The following GULP1 variants were observed in gnomAD, a reference collection of about 807,000 sequenced individuals.
The protein encoded by GULP1 is PTB domain-containing engulfment adapter protein 1.
In GULP1, 19 loss-of-function variants were observed where a neutral mutation model predicts 40.9. The observed-to-expected ratio is 0.46, with a 90% CI of 0.32 to 0.68. The LOEUF (loss-of-function observed/expected upper bound fraction) is 0.68, where lower values mean the gene tolerates loss of function less well. Ranked by LOEUF, GULP1 falls within the 30% of genes least tolerant of loss-of-function variation. The pLI, the probability that GULP1 is intolerant of heterozygous loss-of-function variation, is 0.03. For synonymous variants in GULP1, 119 were observed against 117.6 expected, an observed-to-expected ratio of 1.01 and a Z score of -0.08; for missense variants, 312 against 362.2, an observed-to-expected ratio of 0.86 and a Z score of 1.12.
chr2:188,311,541 T>A (rs1010160297), intron 1 of GULP1, among the ~76,000 whole-genome samples: 9 of 152,076 alleles, frequency 5.9e-5, no homozygotes, highest in African/African-American at 2.2e-4. Context: ...CTTTGCTGAT[T>A]CTGACACCAT....
rs1249369154 is a variant in GULP1, at chr2:188,595,127, A to C, written c.*1116A>C. ...AACATGAGCAATAAAATTCTCTTGC[A>C]TTTCATTATTGATGTGCTGATGAAC... On this transcript the variant is annotated 3_prime_UTR_variant, in exon 12 of 12. Coordinates refer to ENST00000409830, the MANE Select transcript of GULP1 (RefSeq NM_016315.4). 1 of 150,446 alleles carries C rather than the reference A, an allele frequency of 6.6e-6. No homozygotes were observed. Among genetic ancestry groups the C allele is most frequent in the African/African-American group, 2.4e-5 (1 of 41,076 alleles). 9.3% of individuals were successfully genotyped at this position (150,446 alleles called of 1,614,324 possible).
chr2:188,574,788 G>A (rs1447974578), intron 9 of GULP1, among the ~76,000 whole-genome samples: 3 of 152,074 alleles, frequency 2.0e-5, no homozygotes, highest in Non-Finnish European at 2.9e-5. Flanking sequence ...CTACCAAATC[G>A]TCTAATAATA....
chr2:188,370,870 T>C (rs898869444), intron 1 of GULP1, among the ~76,000 whole-genome samples: 6 of 151,904 alleles, frequency 3.9e-5, no homozygotes, highest in Non-Finnish European at 5.9e-5. Context: ...TGTGTGTATG[T>C]GTGTGTGTGT....
At chr2:188,528,203 G>A (rs1489507186) in intron 5 of GULP1, among the ~76,000 whole-genome samples, 2 of 152,018 alleles carry the variant, frequency 1.3e-5, no homozygotes, top group Non-Finnish European at 2.9e-5. Context: ...GTACAAATAT[G>A]TTCCAAATAT....
intron 1 of GULP1, among the ~76,000 whole-genome samples, chr2:188,340,957 T>G (rs1431987978): frequency 6.6e-6 from 1 of 152,156 alleles, no homozygotes; most frequent in Non-Finnish European, 1.5e-5. Flanking sequence ...CTGTTTCTTC[T>G]TTTCTCCTCT....
chr2:188,580,552 CAA>C (rs35794163), intron 9 of GULP1, among the ~76,000 whole-genome samples: 3,146 of 121,288 alleles, frequency 0.026, 78 homozygotes, highest in African/African-American at 0.083. Flanking sequence ...GACTCCGTCT[CAA>C]AAAAAAAAAA....
chr2:188,576,422 A>G (rs1376689360), intron 9 of GULP1, among the ~76,000 whole-genome samples: 5 of 152,152 alleles, frequency 3.3e-5, no homozygotes, highest in Non-Finnish European at 7.4e-5. Flanking sequence ...TAAAAAGTAT[A>G]CCTTTAATAT....
intron 4 of GULP1, among the ~76,000 whole-genome samples, chr2:188,508,853 C>T (rs1270317734): frequency 6.7e-6 from 1 of 149,558 alleles, no homozygotes; most frequent in Non-Finnish European, 1.5e-5. Context: ...TTATTGAGTG[C>T]CTGCTATGTG....
At chr2:188,508,887 A>ATT (rs5837092) in intron 4 of GULP1, among the ~76,000 whole-genome samples, 11 of 151,530 alleles carry the variant, frequency 7.3e-5, no homozygotes, top group East Asian at 3.9e-4. Context: ...TACCCACACA[A>ATT]TTTTTTTTCC....
chr2:188,504,813 T>G (rs2063751941), intron 4 of GULP1, among the ~76,000 whole-genome samples: 1 of 151,908 alleles, frequency 6.6e-6, no homozygotes, highest in Non-Finnish European at 1.5e-5. Context: ...TAACTGGTTT[T>G]TTTGTTTGTT....
chr2:188,448,504 A>C (rs975473139), intron 2 of GULP1, among the ~76,000 whole-genome samples: 3 of 152,208 alleles, frequency 2.0e-5, no homozygotes, highest in African/African-American at 7.2e-5. Context: ...AAATTTCCTG[A>C]ACTTGCCATT....
At chr2:188,377,353 A>T (rs1244343852) in intron 1 of GULP1, among the ~76,000 whole-genome samples, 1 of 152,138 alleles carries the variant, frequency 6.6e-6, no homozygotes, top group African/African-American at 2.4e-5. Flanking sequence ...CTGTGTATAG[A>T]TTATCTCATT....
At chr2:188,521,137 C>CA (rs1343160295) in intron 4 of GULP1, among the ~76,000 whole-genome samples, 15 of 149,468 alleles carry the variant, frequency 1.0e-4, no homozygotes, top group South Asian at 2.1e-4. Flanking sequence ...GTCACAAGAG[C>CA]AAAAAAAAAT....
intron 2 of GULP1, among the ~76,000 whole-genome samples, chr2:188,415,823 A>G (rs1258338917): frequency 6.6e-6 from 1 of 152,168 alleles, no homozygotes; most frequent in African/African-American, 2.4e-5. Context: ...CATTATTTCA[A>G]AATACCCCAA....
chr2:188,573,269 A>G (rs999806919), intron 9 of GULP1, among the ~76,000 whole-genome samples: 8 of 152,168 alleles, frequency 5.3e-5, no homozygotes, highest in African/African-American at 1.7e-4. Flanking sequence ...TAGAACACTT[A>G]AGTACAGCTT....
At chr2:188,409,840 T>C (rs1355173760) in intron 2 of GULP1, among the ~76,000 whole-genome samples, 1 of 152,074 alleles carries the variant, frequency 6.6e-6, no homozygotes, top group Non-Finnish European at 1.5e-5. Context: ...TAATACAACA[T>C]AGTAACAGAA....
chr2:188,563,477 T>C (rs905685377), intron 7 of GULP1, among the ~76,000 whole-genome samples: 2 of 150,206 alleles, frequency 1.3e-5, no homozygotes, highest in Admixed American at 1.3e-4. Context: ...ATATATAAAA[T>C]TACATACAAA....
chr2:188,519,539 C>T (rs1265500332), intron 4 of GULP1, among the ~76,000 whole-genome samples: 1 of 152,154 alleles, frequency 6.6e-6, no homozygotes, highest in African/African-American at 2.4e-5. Flanking sequence ...ATCCACTAAT[C>T]GCAGTGATAT....
At position 188,475,297 on chromosome 2, in the gene GULP1, G is replaced by C. The variant is rs1053062775; in HGVS notation, c.-44-2362G>C. On this transcript the variant is annotated intron_variant, in intron 2 of 11. Transcript: ENST00000409830. ...TTATATCTATGCATTTTGTGAGCAAGCAAAAGTGCTTCTGGTGTTTTAGAG... is the reference window on the plus strand; with the variant it reads ...TTATATCTATGCATTTTGTGAGCAACCAAAAGTGCTTCTGGTGTTTTAGAG... 8.5e-5 allele frequency among the ~76,000 whole-genome samples: 13 copies of C among 152,192 alleles called. No homozygotes were observed. The East Asian group carries it at 2.1e-3, about 25-fold the overall frequency.
Sources: allele counts gnomAD v4.1 joint callset (sites outside exome capture counted in the v4.1 genomes callset), GRCh38; gene constraint gnomAD v4.1.1; transcripts MANE v1.5; gene names NCBI Gene and HGNC (gene_info 2026-07-23, HGNC 2026-07-21).